The following MOV10 variants were observed in gnomAD, a reference collection of about 807,000 sequenced individuals.
MOV10 encodes the protein Mov10 RNA helicase.
Under a neutral mutation model 108.4 loss-of-function variants are expected in MOV10, and 39 were observed. The ratio of observed to expected loss-of-function variants is 0.36; its 90% confidence interval spans 0.28 to 0.47. The LOEUF is 0.47. Among genes scored for constraint, MOV10 ranks in the 20% least tolerant of loss-of-function variants. The pLI is 1.00. For missense variants in MOV10, 952 were observed against 1,297.6 expected, an observed-to-expected ratio of 0.73 and a Z score of 4.09; for synonymous variants, 490 against 523.1, an observed-to-expected ratio of 0.94 and a Z score of 0.86.
rs1672123685 is a variant in MOV10, at chr1:112,675,462, C to A, written c.137+413C>A. 6.6e-6 allele frequency among the ~76,000 whole-genome samples: 1 copy of A among 152,176 alleles called. No individual in the cohort carries two copies. The highest frequency in any genetic ancestry group is 1.5e-5 in the Non-Finnish European group (1 of 68,016). On this transcript the variant is annotated intron_variant, in intron 2 of 20. Coordinates refer to ENST00000369645, the MANE Select transcript of MOV10 (RefSeq NM_001321324.2). This position sits in a 1 kb window ranked among gnomAD's most constrained non-coding sequence, Gnocchi z 4.7. ...GTTAGAGGCTGCCTGTTGGGGGCTG[C>A]GAGCCCGAGCGCGGGCTTTACAGGG...
intron 5 of MOV10, among the ~76,000 whole-genome samples, chr1:112,690,539 T>C (rs1673490828): frequency 6.6e-6 from 1 of 152,108 alleles, no homozygotes. Context: ...TTTGTATTTT[T>C]AGTAGACATG....
chr1:112,693,747 A>T lies in MOV10; in HGVS notation c.1141-271A>T, dbSNP rs540689017. 3.3e-5 allele frequency: 9 copies of T among 276,274 alleles called. No individual in the cohort carries two copies. In the Admixed American group the frequency reaches 4.0e-4, roughly 12 times the overall value. 17.1% of individuals were successfully genotyped at this position (276,274 alleles called of 1,614,324 possible). A position where few individuals can be genotyped will look rare whatever the true frequency, so the allele number is the denominator to read the frequency against. On this transcript the variant is annotated intron_variant, in intron 7 of 20. Transcript: ENST00000369645. ...CAGGATTTTTATAGGCAGAGCAGGA[A>T]CTGAGCTGGCCAAGAGGGCAGCTGC...
chr1:112,696,323 GA>G, intron 12 of MOV10, 72 bp downstream of exon 12: 1 of 1,442,942 alleles, frequency 6.9e-7, no homozygotes, highest in Non-Finnish European at 9.8e-7. Context: ...GGGAAATGGG[GA>G]AGAATGGTTT....
At position 112,680,998 on chromosome 1, in the gene MOV10, G is replaced by A. The variant is rs190425877; in HGVS notation, c.137+5949G>A. 5.3e-4 allele frequency among the ~76,000 whole-genome samples: 80 copies of A among 151,736 alleles called. No individual in the cohort carries two copies. In the East Asian group the frequency reaches 0.015, roughly 29 times the overall value. ...ATTACAGGCGTGAGCTACTGCACCC[G>A]GTTCATTTATCTCTTTTTGCAGGCA... On this transcript the variant is annotated intron_variant, in intron 2 of 20. Coordinates refer to ENST00000369645, the MANE Select transcript of MOV10 (RefSeq NM_001321324.2).
In MOV10 at chr1:112,689,670, A is replaced by C. The variant is rs750893398; in HGVS notation, c.577+20A>C. 5.0e-6 allele frequency: 8 copies of C among 1,611,000 alleles called. No individual in the cohort carries two copies. The highest frequency in any genetic ancestry group is 6.8e-6 in the Non-Finnish European group (8 of 1,177,360). ...GCCCCGGTGAGTGAGTTTCCAAAGG[A>C]AAGAGCTGGTGGACAGGGGCTTGTC... On this transcript the variant is annotated intron_variant, in intron 4 of 20. Coordinates refer to ENST00000369645, the MANE Select transcript of MOV10 (RefSeq NM_001321324.2).
intron 17 of MOV10, chr1:112,699,377 C>T (rs1045494711): frequency 5.7e-5 from 53 of 928,756 alleles, no homozygotes; most frequent in Non-Finnish European, 7.4e-5. Flanking sequence ...TTAACAGATA[C>T]TTAGTGATTG....
chr1:112,693,983 T>A, intron 7 of MOV10, 35 bp from the exon 8 acceptor site: 1 of 1,611,618 alleles, frequency 6.2e-7, no homozygotes, highest in Non-Finnish European at 8.5e-7. Flanking sequence ...CGTCCATCCC[T>A]GGGACAGAAG....
At chr1:112,685,399 G>C (rs1056819252) in intron 2 of MOV10, among the ~76,000 whole-genome samples, 2 of 151,946 alleles carry the variant, frequency 1.3e-5, no homozygotes, top group African/African-American at 2.4e-5. Context: ...GCTCACACCT[G>C]TAATCCCAGC....
intron 2 of MOV10, among the ~76,000 whole-genome samples, chr1:112,681,276 G>C (rs560789283): frequency 6.6e-6 from 1 of 151,990 alleles, no homozygotes; most frequent in Non-Finnish European, 1.5e-5. Flanking sequence ...TGGATCACCT[G>C]AGGTCAGGAG....
chr1:112,684,849 G>A (rs1428840784), intron 2 of MOV10, among the ~76,000 whole-genome samples: 3 of 152,026 alleles, frequency 2.0e-5, no homozygotes, highest in African/African-American at 4.8e-5. Context: ...TTGAATATTC[G>A]ATTTTTCTGT....
In MOV10 at chr1:112,694,050, G is replaced by A. The variant is rs1454309961; in HGVS notation, c.1173G>A (p.Val391=). ...GAGTGACTGAGAGCCGCCCCTCAGTGCTACGGGGCGACCACCTGTTTGCCC... is the reference window on the plus strand; with the variant it reads ...GAGTGACTGAGAGCCGCCCCTCAGTACTACGGGGCGACCACCTGTTTGCCC... ...VPGVTESRPS[V]LRGDHLFALL... Residue 391 remains valine (V), a synonymous_variant, in exon 8 of 21, where the codon GTG becomes GTA. Coordinates refer to ENST00000369645, the MANE Select transcript of MOV10 (RefSeq NM_001321324.2). This position sits in a 1 kb window ranked among gnomAD's most constrained non-coding sequence, Gnocchi z 4.1. 2 of 1,613,886 alleles carry A rather than the reference G, an allele frequency of 1.2e-6. No homozygotes were observed. The highest frequency in any genetic ancestry group is 1.7e-6 in the Non-Finnish European group (2 of 1,179,964).
At position 112,700,629 on chromosome 1, in the gene MOV10, C is replaced by G. The variant is rs1674566121; in HGVS notation, c.*122C>G. The G allele has an allele frequency of 1.3e-6, 2 of 1,546,854 alleles. No homozygotes were observed. The highest frequency in any genetic ancestry group is 1.7e-6 in the Non-Finnish European group (2 of 1,146,922). On this transcript the variant is annotated 3_prime_UTR_variant, in exon 21 of 21. Coordinates refer to ENST00000369645, the MANE Select transcript of MOV10 (RefSeq NM_001321324.2). Reference sequence around the variant, plus strand: ...AGGCTGGGGGAGGGAGTTTACAACCCAAGCCATTCCACCCCCTCCCCTGCT... The same window carrying G: ...AGGCTGGGGGAGGGAGTTTACAACCGAAGCCATTCCACCCCCTCCCCTGCT...
Position 112,692,874 on chromosome 1 carries a change from C to T in MOV10, c.1085C>T (p.Ser362Leu), listed in dbSNP as rs199993555. The change falls in exon 7 of 21, where the codon TCG (serine) becomes TTG (leucine). Residue 362 changes from serine (S) to leucine (L), a missense_variant. Physicochemically the swap from Ser to Leu is moderately radical, Grantham distance 145. Coordinates refer to ENST00000369645, the MANE Select transcript of MOV10 (RefSeq NM_001321324.2). ...EHDIRHYDLESVPMTWDPVDQ... is the reference protein window; with the variant it reads ...EHDIRHYDLELVPMTWDPVDQ... The stretch of plus-strand genomic sequence containing the variant: ...GATATCCGGCACTATGACCTGGAGT[C>T]GGTGCCCATGACCTGGGACCCTGTG... 1.7e-5 allele frequency: 27 copies of T among 1,613,650 alleles called. No homozygotes were observed. The highest frequency in any genetic ancestry group is 2.2e-5 in the East Asian group (1 of 44,868).
At chr1:112,687,628 T>C (rs1570773649) in intron 2 of MOV10, among the ~76,000 whole-genome samples, 1 of 152,162 alleles carries the variant, frequency 6.6e-6, no homozygotes, top group Non-Finnish European at 1.5e-5. Context: ...CCTGCCCACC[T>C]CTGCTCCTCC....
chr1:112,700,306 G>A lies in MOV10; in HGVS notation c.2886G>A (p.Leu962=). 1 of 1,614,240 alleles carries A rather than the reference G, an allele frequency of 6.2e-7. No homozygotes were observed. The highest frequency in any genetic ancestry group is 1.3e-5 in the African/African-American group (1 of 75,070). ...ACCTGCAACAGGGACAGAATTTACTGCAAGGTCTGAGCAAGCTCAGCCCCT... is the reference window on the plus strand; with the variant it reads ...ACCTGCAACAGGGACAGAATTTACTACAAGGTCTGAGCAAGCTCAGCCCCT... ...KLDLQQGQNL[L]QGLSKLSPST... is the part of the protein sequence containing the mutation. The change falls in exon 20 of 21, where the codon CTG becomes CTA. Residue 962 remains leucine (L), a synonymous_variant. Transcript: ENST00000369645.
At chr1:112,699,004 C>T in intron 17 of MOV10, 1 of 574,310 alleles carries the variant, frequency 1.7e-6, no homozygotes, top group Non-Finnish European at 3.1e-6. Flanking sequence ...ACAAACACCT[C>T]CTGTCATTCT....
At chr1:112,697,465 A>C (rs1014782879) in intron 14 of MOV10, among the ~76,000 whole-genome samples, 6 of 152,138 alleles carry the variant, frequency 3.9e-5, no homozygotes, top group African/African-American at 7.2e-5. Context: ...GCGAGACTCC[A>C]TCTCAAAAAA....
At chr1:112,700,111 T>A in intron 19 of MOV10, 108 bp from the exon 20 acceptor site, 3 of 1,590,794 alleles carry the variant, frequency 1.9e-6, no homozygotes, top group Non-Finnish European at 2.6e-6. Context: ...GCATCACTAT[T>A]GTATTTATAA....
Position 112,678,670 on chromosome 1 carries a change from G to A in MOV10, c.137+3621G>A, listed in dbSNP as rs2101248555. 1.3e-5 allele frequency among the ~76,000 whole-genome samples: 2 copies of A among 152,162 alleles called. 1 individual carries two copies. Among genetic ancestry groups the A allele is most frequent in the South Asian group, 4.1e-4 (2 of 4,832 alleles). On this transcript the variant is annotated intron_variant, in intron 2 of 20. Transcript: ENST00000369645. ...AGGGCAAGGGTAGAGTGTACAGGCA[G>A]GAACAGCACCTTCAAAGGCTTGGGA...
Sources: gnomAD v4.1 joint callset for allele counts (sites outside exome capture counted in the v4.1 genomes callset) on GRCh38, gnomAD v4.1.1 for gene constraint, Gnocchi (gnomAD v3.1) non-coding constraint, MANE v1.5 for transcripts, NCBI Gene and HGNC (gene_info 2026-07-23, HGNC 2026-07-21) for gene names.